The following DNAJC2 variants were observed in gnomAD, a reference collection of about 807,000 sequenced individuals.
DNAJC2 encodes the protein dnaJ homolog subfamily C member 2.
DNAJC2 carries 32 observed loss-of-function variants against 94.0 expected under a neutral mutation model. The observed-to-expected ratio is 0.34, with a 90% CI of 0.26 to 0.46. The LOEUF (loss-of-function observed/expected upper bound fraction) is 0.46, where lower values mean the gene tolerates loss of function less well. Among genes scored for constraint, DNAJC2 ranks in the 20% least tolerant of loss-of-function variants. The pLI is 1.00. For missense variants in DNAJC2, 550 were observed against 719.5 expected (o/e 0.76, Z 2.69); for synonymous variants, 210 against 229.7 (o/e 0.91, Z 0.77).
intron 1 of DNAJC2, 130 bp from the exon 2 acceptor site, chr7:103,342,084 C>G (rs1224902318): frequency 1.2e-5 from 7 of 578,554 alleles, no homozygotes; most frequent in Non-Finnish European, 1.6e-5. Context: ...CCACCGACTA[C>G]GAAAATAATT....
At chr7:103,337,470 G>A in intron 3 of DNAJC2, 1 of 321,504 alleles carries the variant, frequency 3.1e-6, no homozygotes, top group Non-Finnish European at 5.6e-6. Context: ...TTAAAAGCTT[G>A]CCATTGGAGG....
chr7:103,319,449 C>CA (rs1056364973), intron 12 of DNAJC2, among the ~76,000 whole-genome samples, 160 bp downstream of exon 12: 2 of 151,616 alleles, frequency 1.3e-5, no homozygotes, highest in Admixed American at 6.6e-5. Context: ...AACAAAAAAC[C>CA]AAAAAACCGA....
Position 103,312,578 on chromosome 7 carries a change from G to C in DNAJC2, c.1857C>G (p.Ala619=). ...CACACAACAAAGATTGTCATTTCTTGGCTCTACTTGCATTCAGCACTTGTT... is the reference window on the plus strand; with the variant it reads ...CACACAACAAAGATTGTCATTTCTTCGCTCTACTTGCATTCAGCACTTGTT... ...AQEQVLNASR[A]KK is the part of the protein sequence containing the mutation. Residue 619 remains alanine, a synonymous_variant, in exon 17 of 17, where the codon GCC becomes GCG. Coordinates refer to ENST00000379263, the MANE Select transcript of DNAJC2 (RefSeq NM_014377.3). 6.2e-7 allele frequency: 1 copy of C among 1,612,014 alleles called. No individual in the cohort carries two copies. The highest frequency in any genetic ancestry group is 2.2e-5 in the East Asian group (1 of 44,786).
At chr7:103,322,935 T>C in intron 7 of DNAJC2, 141 bp from the exon 8 acceptor site, 1 of 668,424 alleles carries the variant, frequency 1.5e-6, no homozygotes, top group Non-Finnish European at 2.3e-6. Context: ...AAACAATGAT[T>C]TTTTTTTTTT....
At chr7:103,325,353 C>A (rs1015485251) in intron 5 of DNAJC2, among the ~76,000 whole-genome samples, 82 of 152,072 alleles carry the variant, frequency 5.4e-4, no homozygotes, top group African/African-American at 1.9e-3. Flanking sequence ...AGGAGAATTG[C>A]TTGAACCTGG....
At chr7:103,335,648 C>G (rs946812083) in intron 3 of DNAJC2, 1 of 152,018 alleles carries the variant, frequency 6.6e-6, no homozygotes, top group Non-Finnish European at 1.5e-5. Flanking sequence ...CAGGTTCAAG[C>G]GATTCTCATG....
At chr7:103,322,398 C>G (rs1818469192) in intron 9 of DNAJC2, 113 bp downstream of exon 9, 1 of 1,112,940 alleles carries the variant, frequency 9.0e-7, no homozygotes. Context: ...ACAGTAGCAC[C>G]CAATTCTCTG....
chr7:103,314,625 T>C (rs1400430184), intron 15 of DNAJC2: 1 of 985,246 alleles, frequency 1.0e-6, no homozygotes, highest in African/African-American at 1.7e-5. Context: ...GTCTTTCAGG[T>C]GTTCTGAAAC....
chr7:103,312,822 C>T, intron 16 of DNAJC2, 125 bp downstream of exon 16: 4 of 1,520,594 alleles, frequency 2.6e-6, no homozygotes. Flanking sequence ...ATAATATTGA[C>T]CCCATAACTA....
chr7:103,327,314 A>T, intron 4 of DNAJC2: 1 of 1,255,392 alleles, frequency 8.0e-7, no homozygotes, highest in Non-Finnish European at 1.0e-6. Flanking sequence ...TATTCTCATC[A>T]TTAAATAGAA....
chr7:103,344,742 G>A lies in DNAJC2; in HGVS notation c.-120C>T. ...TCGCGCCTTGGCTCTAAGACGCCCAGGAACCGGCGCATGGAGACGACCAGT... is the reference window on the plus strand; with the variant it reads ...TCGCGCCTTGGCTCTAAGACGCCCAAGAACCGGCGCATGGAGACGACCAGT... On this transcript the variant is annotated 5_prime_UTR_variant, in exon 1 of 17. Coordinates refer to ENST00000379263, the MANE Select transcript of DNAJC2 (RefSeq NM_014377.3). 9.7e-7 allele frequency: 1 copy of A among 1,026,848 alleles called. No homozygotes were observed. The highest frequency in any genetic ancestry group is 1.5e-6 in the Non-Finnish European group (1 of 684,256). The allele number at this position is 1,026,848 out of a possible 1,614,324, so 63.6% of individuals were successfully genotyped here. A position where few individuals can be genotyped will look rare whatever the true frequency, so the allele number is the denominator to read the frequency against.
At chr7:103,333,950 C>CT (rs1563471240) in intron 3 of DNAJC2, among the ~76,000 whole-genome samples, 21 of 148,804 alleles carry the variant, frequency 1.4e-4, no homozygotes, top group South Asian at 2.1e-4. Flanking sequence ...CTGTTGTGAA[C>CT]ATTTTTTTTT....
chr7:103,315,708 C>T, intron 15 of DNAJC2, 56 bp downstream of exon 15: 2 of 1,194,892 alleles, frequency 1.7e-6, no homozygotes, highest in Non-Finnish European at 2.5e-6. Context: ...TCTTGTACGT[C>T]CAAGCAGCAC....
intron 15 of DNAJC2, chr7:103,314,346 C>G (rs138088754): frequency 1.1e-4 from 107 of 985,382 alleles, no homozygotes; most frequent in Non-Finnish European, 1.2e-4. Flanking sequence ...TGCCAGCTTG[C>G]TGTTTAATGG....
intron 15 of DNAJC2, 145 bp from the exon 16 acceptor site, chr7:103,313,246 T>C (rs535247471): frequency 1.1e-5 from 15 of 1,407,346 alleles, no homozygotes; most frequent in Middle Eastern, 5.3e-4. Context: ...GAGATACATA[T>C]AGCCCTCTGA....
At chr7:103,340,960 T>A (rs1819352064) in intron 2 of DNAJC2, among the ~76,000 whole-genome samples, 2 of 152,176 alleles carry the variant, frequency 1.3e-5, no homozygotes, top group Non-Finnish European at 1.5e-5. Flanking sequence ...CAGCATTGGT[T>A]ACTGACCACA....
intron 15 of DNAJC2, chr7:103,314,743 T>C: frequency 1.5e-6 from 1 of 674,942 alleles, no homozygotes; most frequent in African/African-American, 1.9e-5. Context: ...ATTAACACTG[T>C]AAGTCTCATA....
At chr7:103,313,257 G>A (rs1817858806) in intron 15 of DNAJC2, 156 bp from the exon 16 acceptor site, 1 of 1,353,876 alleles carries the variant, frequency 7.4e-7, no homozygotes, top group South Asian at 2.0e-5. Context: ...AGCCCTCTGA[G>A]TGTTAATAAG....
intron 2 of DNAJC2, among the ~76,000 whole-genome samples, chr7:103,340,597 C>T (rs1819338322): frequency 6.6e-6 from 1 of 152,206 alleles, no homozygotes; most frequent in Admixed American, 6.5e-5. Context: ...GAGGTACACA[C>T]ATATCTGGGA....
Sources: gnomAD v4.1 joint callset for allele counts (sites outside exome capture counted in the v4.1 genomes callset) on GRCh38, gnomAD v4.1.1 for gene constraint, MANE v1.5 for transcripts, NCBI Gene and HGNC (gene_info 2026-07-23, HGNC 2026-07-21) for gene names.